FPGT: variants seen among roughly 807,000 people sequenced by gnomAD.
FPGT encodes the protein fucose-1-phosphate guanylyltransferase, also known as GDP-L-fucose diphosphorylase.
A neutral mutation model predicts 45.8 loss-of-function variants in FPGT; 41 were observed. The observed-to-expected ratio is 0.90, with a 90% CI of 0.70 to 1.16. The LOEUF is 1.16. Among genes scored for constraint, FPGT ranks in the 50% most tolerant of loss-of-function variants. FPGT has a pLI of 0.00. For synonymous variants in FPGT, 292 were observed against 247.2 expected (o/e 1.18, Z -1.70); for missense variants, 755 against 689.1 (o/e 1.10, Z -1.07).
rs1267332261 is a variant in FPGT at position 74,201,351 on chromosome 1, G to A, written c.284G>A (p.Cys95Tyr). The A allele has an allele frequency of 1.2e-6, 2 of 1,611,930 alleles. No individual in the cohort carries two copies. The highest frequency in any genetic ancestry group is 1.7e-6 in the Non-Finnish European group (2 of 1,179,296). ...GGATCAACACTTTGTGCCCTTCAAT[G>A]TTTGGAAAAGCTATATGGAGATAAA... is the stretch of plus-strand genomic sequence containing the variant. ...NGGSTLCALQ[C>Y]LEKLYGDKWN... Residue 95 changes from cysteine to tyrosine, a missense_variant, in exon 3 of 4, where the codon TGT becomes TAT. By Grantham distance (194) the Cys-to-Tyr change is radical. Transcript: ENST00000370898.
In FPGT at chr1:74,208,328, AAT is replaced by A. The variant is rs1432882264; in HGVS notation, c.*2497_*2498del. ...GTGTGTTTTTGATAAGAAGTGACTA[AAT>A]TTTGTGACAATCTTAATTTTTTAGG... On this transcript the variant is annotated 3_prime_UTR_variant, in exon 4 of 4. Coordinates refer to ENST00000370898, the MANE Select transcript of FPGT (RefSeq NM_003838.5). Among the ~76,000 whole-genome samples, 1 of 151,960 alleles carries A rather than the reference AAT, an allele frequency of 6.6e-6. No individual in the cohort carries two copies. Among genetic ancestry groups the A allele is most frequent in the Non-Finnish European group, 1.5e-5 (1 of 67,958 alleles).
chr1:74,203,415 G>T (rs1345993502), intron 3 of FPGT, among the ~76,000 whole-genome samples: 1 of 150,674 alleles, frequency 6.6e-6, no homozygotes, highest in Non-Finnish European at 1.5e-5. Flanking sequence ...TTGAGATGGA[G>T]TCTGGCTCTG....
In FPGT at chr1:74,204,859, A is replaced by G; in HGVS notation, c.812A>G (p.Asp271Gly). 6.2e-7 allele frequency: 1 copy of G among 1,613,758 alleles called. No individual in the cohort carries two copies. The highest frequency in any genetic ancestry group is 8.5e-7 in the Non-Finnish European group (1 of 1,180,004). ...TTAGACTCTGACTATGTCTACACAG[A>G]TAGCCTATTTTATATGGATCATAAA... The part of the protein sequence containing the change: ...LKLDSDYVYT[D>G]SLFYMDHKSA... Residue 271 changes from aspartate to glycine, a missense_variant, in exon 4 of 4, where the codon GAT becomes GGT. Transcript: ENST00000370898.
intron 2 of FPGT, 92 bp from the exon 3 acceptor site, chr1:74,201,226 T>C: frequency 9.9e-7 from 1 of 1,014,056 alleles, no homozygotes; most frequent in Non-Finnish European, 1.5e-6. Flanking sequence ...AGGCAAATCC[T>C]TAAGGTTATA....
rs949684533 is a variant in FPGT, at chr1:74,205,949, A to G, written c.*117A>G. 13 of 613,736 alleles carry G rather than the reference A, an allele frequency of 2.1e-5. No individual in the cohort carries two copies. Among genetic ancestry groups the G allele is most frequent in the Non-Finnish European group, 3.7e-5 (13 of 352,804 alleles). The allele number at this position is 613,736 out of a possible 1,614,324, so 38.0% of individuals were successfully genotyped here. A position where few individuals can be genotyped will look rare whatever the true frequency, so the allele number is the denominator to read the frequency against. Reference sequence around the variant, plus strand: ...AAAACTGTATTAACATAATTGTTGTAGCATAATATTAATAGTGCAAAAGTA... The same window carrying G: ...AAAACTGTATTAACATAATTGTTGTGGCATAATATTAATAGTGCAAAAGTA... On this transcript the variant is annotated 3_prime_UTR_variant, in exon 4 of 4. Transcript: ENST00000370898.
chr1:74,205,853 A>G lies in FPGT; in HGVS notation c.*21A>G. 1 of 1,391,314 alleles carries G rather than the reference A, an allele frequency of 7.2e-7. No homozygotes were observed. The highest frequency in any genetic ancestry group is 9.9e-7 in the Non-Finnish European group (1 of 1,011,762). The allele number at this position is 1,391,314 out of a possible 1,614,324, so 86.2% of individuals were successfully genotyped here. On this transcript the variant is annotated 3_prime_UTR_variant, in exon 4 of 4. Transcript: ENST00000370898. Reference sequence around the variant, plus strand: ...TGTAGAGATATTTTAAATATTGTACACTTTGCCTTTTTGAGTAACATTCCA... The same window carrying G: ...TGTAGAGATATTTTAAATATTGTACGCTTTGCCTTTTTGAGTAACATTCCA...
At chr1:74,203,083 T>A (rs1651941879) in intron 3 of FPGT, among the ~76,000 whole-genome samples, 1 of 152,234 alleles carries the variant, frequency 6.6e-6, no homozygotes, top group African/African-American at 2.4e-5. Flanking sequence ...AGTAAATACA[T>A]AAACCAGTAA....
At chr1:74,201,920 G>A (rs1399536907) in intron 3 of FPGT, among the ~76,000 whole-genome samples, 1 of 152,072 alleles carries the variant, frequency 6.6e-6, no homozygotes, top group African/African-American at 2.4e-5. Flanking sequence ...GGGGATTCTT[G>A]CTTTGAGGGA....
rs947799693 is a variant in FPGT at position 74,205,988 on chromosome 1, T to C, written c.*156T>C. The C allele has an allele frequency of 1.0e-5, 5 of 479,434 alleles. No individual in the cohort carries two copies. The highest frequency in any genetic ancestry group is 1.0e-4 in the African/African-American group (5 of 50,230). The allele number at this position is 479,434 out of a possible 1,614,324, so 29.7% of individuals were successfully genotyped here. ...AGTGCAAAAGTACATATAAGTCATT[T>C]TGATGAAAAATATTCCAAGACTAAG... On this transcript the variant is annotated 3_prime_UTR_variant, in exon 4 of 4. Coordinates refer to ENST00000370898, the MANE Select transcript of FPGT (RefSeq NM_003838.5).
chr1:74,205,098 C>G lies in FPGT; in HGVS notation c.1051C>G (p.Leu351Val), dbSNP rs1408697040. Residue 351 changes from leucine to valine, a missense_variant, in exon 4 of 4, where the codon CTT becomes GTT. Transcript: ENST00000370898. ...AGGAACATCACTAAATGTTGTTGTT[C>G]TTAATAACTCCAAATTTTATCACAT... The part of the protein sequence containing the change: ...LKGTSLNVVV[L>V]NNSKFYHIGT... 1.2e-6 allele frequency: 2 copies of G among 1,613,542 alleles called. No homozygotes were observed. Among genetic ancestry groups the G allele is most frequent in the South Asian group, 2.2e-5 (2 of 91,050 alleles).
At chr1:74,199,087 CAG>C (rs1194420524) in intron 1 of FPGT, among the ~76,000 whole-genome samples, 4 of 152,150 alleles carry the variant, frequency 2.6e-5, no homozygotes, top group Non-Finnish European at 5.9e-5. Context: ...AAGATGTCAT[CAG>C]AGAGTTGGGA....
chr1:74,200,327 A>G lies in FPGT; in HGVS notation c.250+496A>G, dbSNP rs144364881. Reference sequence around the variant, plus strand: ...CCTTTGACCGTCCATTGCAAATAGAAATAAATGCTGTTTTTCTGAATGCTC... The same window carrying G: ...CCTTTGACCGTCCATTGCAAATAGAGATAAATGCTGTTTTTCTGAATGCTC... On this transcript the variant is annotated intron_variant, in intron 2 of 3. Transcript: ENST00000370898. 1.4e-3 allele frequency among the ~76,000 whole-genome samples: 210 copies of G among 152,284 alleles called. 2 individuals carry two copies. Among genetic ancestry groups the G allele is most frequent in the African/African-American group, 4.9e-3 (204 of 41,538 alleles).
rs1301714451 is a variant in FPGT, at chr1:74,205,281, TC to T, written c.1235del (p.Ser412LeufsTer31). ...IIQSILDSRC[S>X]VAPGSVVEYS... ...TCAAAGCATACTGGATTCAAGATGTTCTGTGGCACCTGGCTCAGTTGTGGAG... is the reference window on the plus strand; with the variant it reads ...TCAAAGCATACTGGATTCAAGATGTTTGTGGCACCTGGCTCAGTTGTGGAG... On this transcript the variant is annotated frameshift_variant, in exon 4 of 4. Transcript: ENST00000370898. LOFTEE classifies it high-confidence loss of function. The T allele has an allele frequency of 6.2e-7, 1 of 1,614,072 alleles. No homozygotes were observed. The highest frequency in any genetic ancestry group is 2.2e-5 in the East Asian group (1 of 44,886).
Position 74,207,736 on chromosome 1 carries a change from T to C in FPGT, c.*1904T>C, listed in dbSNP as rs1272113934. On this transcript the variant is annotated 3_prime_UTR_variant, in exon 4 of 4. Transcript: ENST00000370898. ...CTGTCTGAAGCCCTCAATTGTGGTA[T>C]TTGTGTGTTTGTTTTTTCTTTTTCA... Among the ~76,000 whole-genome samples the C allele has an allele frequency of 2.0e-5, 3 of 152,050 alleles. No homozygotes were observed. The highest frequency in any genetic ancestry group is 2.9e-5 in the Non-Finnish European group (2 of 67,952).
chr1:74,198,418 T>C, intron 1 of FPGT, 58 bp downstream of exon 1: 1 of 1,598,300 alleles, frequency 6.3e-7, no homozygotes, highest in South Asian at 1.1e-5. Context: ...TGCTTTTACG[T>C]GCCAGGAGGT....
rs756810610 is a variant in FPGT at position 74,205,622 on chromosome 1, A to G, written c.1575A>G (p.Ala525=). 6.2e-6 allele frequency: 10 copies of G among 1,612,514 alleles called. No homozygotes were observed. The South Asian group carries it at 7.7e-5, about 12-fold the overall frequency. ...GNKTCLSLWT[A]RIFPVCSSLS... is the part of the protein sequence containing the mutation. ...AGACATGTCTGAGTTTGTGGACTGC[A>G]CGCATTTTCCCAGTTTGTTCTTCTT... The change falls in exon 4 of 4, where the codon GCA becomes GCG. Residue 525 remains alanine, a synonymous_variant. Transcript: ENST00000370898.
chr1:74,204,265 T>C, intron 3 of FPGT, 126 bp from the exon 4 acceptor site: 1 of 535,948 alleles, frequency 1.9e-6, no homozygotes, highest in Non-Finnish European at 3.2e-6. Context: ...CAGTAACAAG[T>C]GGCATATATT....
At chr1:74,199,607 T>A in intron 1 of FPGT, 57 bp from the exon 2 acceptor site, 1 of 1,570,686 alleles carries the variant, frequency 6.4e-7, no homozygotes, top group Non-Finnish European at 8.6e-7. Flanking sequence ...GGCAAACCTG[T>A]GGCAACTAGA....
At position 74,199,837 on chromosome 1, in the gene FPGT, C is replaced by T. The variant is rs199556922; in HGVS notation, c.250+6C>T. 7.1e-5 allele frequency: 115 copies of T among 1,612,468 alleles called. No homozygotes were observed. Among genetic ancestry groups the T allele is most frequent in the South Asian group, 3.3e-4 (30 of 90,792 alleles). ...TCCTGCTGGAGCCAAAATTGGTACG[C>T]GCTTTATGGTCAGTTTTATAATATA... On this transcript the variant is annotated splice_donor_region_variant and intron_variant, in intron 2 of 3. Coordinates refer to ENST00000370898, the MANE Select transcript of FPGT (RefSeq NM_003838.5).
Sources: allele counts gnomAD v4.1 joint callset (sites outside exome capture counted in the v4.1 genomes callset), GRCh38; gene constraint gnomAD v4.1.1; transcripts MANE v1.5; gene names NCBI Gene and HGNC (gene_info 2026-07-23, HGNC 2026-07-21).